The following RARB variants were observed in gnomAD, a reference collection of about 807,000 sequenced individuals.
The protein encoded by RARB is retinoic acid receptor beta, also known as HBV-activated protein.
Under a neutral mutation model 51.9 loss-of-function variants are expected in RARB, and 17 were observed. The observed-to-expected ratio is 0.33, with a 90% CI of 0.22 to 0.49. The LOEUF is 0.49. Ranked by LOEUF, RARB falls within the 20% of genes least tolerant of loss-of-function variation. RARB has a pLI of 0.99. For synonymous variants in RARB, 215 were observed against 195.4 expected (o/e 1.10, Z -0.84); for missense variants, 369 against 550.8 (o/e 0.67, Z 3.30).
Position 25,227,933 on chromosome 3 carries a change from G to T in RARB, c.178+53358G>T, listed in dbSNP as rs942290789. Among the ~76,000 whole-genome samples the T allele has an allele frequency of 5.3e-5, 8 of 151,968 alleles. No homozygotes were observed. The South Asian group carries it at 6.2e-4, about 12-fold the overall frequency. ...ACCCGTGTCTGGGTATATTAGTTTT[G>T]TTTTTCTTTTAAAAACCAATAGACA... On this transcript the variant is annotated intron_variant, in intron 5 of 11. Transcript: ENST00000383772.
At chr3:25,548,634 T>G (rs377444573) in intron 3 of RARB, among the ~76,000 whole-genome samples, 1 of 32,064 alleles carries the variant, frequency 3.1e-5, no homozygotes, top group African/African-American at 1.1e-4. Context: ...AAACTTGACC[T>G]CCCCCGACAA....
At chr3:25,036,655 T>C (rs1698000582) in intron 2 of RARB, among the ~76,000 whole-genome samples, 1 of 152,160 alleles carries the variant, frequency 6.6e-6, no homozygotes, top group Admixed American at 6.5e-5. Context: ...TCAGGCTTTG[T>C]GCCCACACCA....
chr3:25,255,493 G>T (rs1431946954), intron 5 of RARB, among the ~76,000 whole-genome samples: 1 of 152,102 alleles, frequency 6.6e-6, no homozygotes, highest in Non-Finnish European at 1.5e-5. Context: ...ATTGAGCTTC[G>T]AGTTTGAAGC....
At chr3:25,491,375 C>T (rs1349552809) in intron 2 of RARB, among the ~76,000 whole-genome samples, 5 of 151,828 alleles carry the variant, frequency 3.3e-5, no homozygotes, top group Admixed American at 1.3e-4. Flanking sequence ...TTACTCAGGT[C>T]GTGGAATTTC....
chr3:25,286,687 C>T (rs1703664930), intron 5 of RARB, among the ~76,000 whole-genome samples: 1 of 152,182 alleles, frequency 6.6e-6, no homozygotes. Context: ...TTGATTTAAT[C>T]TTTATTCATT....
intron 5 of RARB, among the ~76,000 whole-genome samples, chr3:25,405,204 G>A (rs1253971153): frequency 6.6e-6 from 1 of 152,040 alleles, no homozygotes; most frequent in African/African-American, 2.4e-5. Context: ...TTTTTCTTTT[G>A]AGCCACAAGA....
At chr3:25,347,617 C>T (rs1229133982) in intron 5 of RARB, among the ~76,000 whole-genome samples, 7 of 152,176 alleles carry the variant, frequency 4.6e-5, no homozygotes, top group Non-Finnish European at 8.8e-5. Flanking sequence ...AGCCAAAAGG[C>T]ATGGAAAGGT....
chr3:25,443,395 G>T (rs1209796770), intron 1 of RARB, among the ~76,000 whole-genome samples: 4 of 148,012 alleles, frequency 2.7e-5, no homozygotes, highest in African/African-American at 1.0e-4. Context: ...GGACATTATT[G>T]CTCCCCCTTG....
intron 5 of RARB, among the ~76,000 whole-genome samples, chr3:25,360,037 A>T (rs9853484): frequency 0.86 from 130,429 of 152,212 alleles, 56,274 homozygotes; most frequent in East Asian, 1. Context: ...CCTTGTTAAT[A>T]TTCTGTGTCA....
Position 25,092,871 on chromosome 3 carries a change from T to C in RARB, c.-328+32695T>C, listed in dbSNP as rs116615932. Among the ~76,000 whole-genome samples the C allele has an allele frequency of 6.1e-3, 936 of 152,276 alleles. 8 individuals are homozygous for C. The highest frequency in any genetic ancestry group is 0.02 in the African/African-American group (850 of 41,548). ...TGTGCCCTTATTCAGTCTCTCATGT[T>C]CATTTAGGAGGTAGAGAGAGATGAC... On this transcript the variant is annotated intron_variant, in intron 3 of 11. Coordinates refer to the RARB transcript ENST00000383772.
chr3:25,007,205 A>C (rs1242463625), intron 2 of RARB, among the ~76,000 whole-genome samples: 1 of 152,188 alleles, frequency 6.6e-6, no homozygotes, highest in Non-Finnish European at 1.5e-5. Context: ...TGATTACTAT[A>C]AACAGGAAAG....
chr3:25,058,133 G>T (rs1698476947), intron 2 of RARB, among the ~76,000 whole-genome samples: 1 of 151,842 alleles, frequency 6.6e-6, no homozygotes, highest in Admixed American at 6.6e-5. Context: ...AATTATGTTT[G>T]GAGTTCAAAG....
intron 5 of RARB, among the ~76,000 whole-genome samples, chr3:25,412,503 T>C (rs1707589163): frequency 6.6e-6 from 1 of 152,194 alleles, no homozygotes; most frequent in Admixed American, 6.5e-5. Context: ...CTCAAGACTG[T>C]TGACCAGAGT....
chr3:25,092,321 A>G (rs1699213035), intron 3 of RARB, among the ~76,000 whole-genome samples: 2 of 152,166 alleles, frequency 1.3e-5, no homozygotes, highest in Non-Finnish European at 2.9e-5. Flanking sequence ...TTTTTCTCTT[A>G]GTTTCATTTA....
chr3:25,028,582 T>C (rs377303778), intron 2 of RARB, among the ~76,000 whole-genome samples: 8 of 151,736 alleles, frequency 5.3e-5, no homozygotes, highest in African/African-American at 1.9e-4. Flanking sequence ...AGGTACAGAG[T>C]GGATTTTAGA....
chr3:25,363,515 T>G (rs1337869770), intron 5 of RARB, among the ~76,000 whole-genome samples: 1 of 152,114 alleles, frequency 6.6e-6, no homozygotes, highest in Non-Finnish European at 1.5e-5. Context: ...ATCATTCTTG[T>G]CTCCTTTCTT....
intron 2 of RARB, among the ~76,000 whole-genome samples, chr3:24,880,786 C>A (rs1039248275): frequency 6.6e-6 from 1 of 152,228 alleles, no homozygotes; most frequent in Non-Finnish European, 1.5e-5. Context: ...TGCTACTCTT[C>A]TCACTAACTT....
chr3:25,172,173 C>T (rs990000787), intron 4 of RARB, among the ~76,000 whole-genome samples: 4 of 152,160 alleles, frequency 2.6e-5, no homozygotes, highest in Non-Finnish European at 5.9e-5. Context: ...GCCAGGGATT[C>T]AAGGCCCTGG....
chr3:25,240,185 T>C (rs949179960), intron 5 of RARB, among the ~76,000 whole-genome samples: 5 of 152,174 alleles, frequency 3.3e-5, no homozygotes, highest in Non-Finnish European at 1.5e-5. Flanking sequence ...ATGTTTTATG[T>C]ATCCTGCAAC....
Sources: allele counts gnomAD v4.1 joint callset (sites outside exome capture counted in the v4.1 genomes callset), GRCh38; gene constraint gnomAD v4.1.1; transcripts MANE v1.5; gene names NCBI Gene and HGNC (gene_info 2026-07-23, HGNC 2026-07-21).